The following ROBO1 variants were observed in gnomAD, a reference collection of about 807,000 sequenced individuals.
The protein encoded by ROBO1 is roundabout guidance receptor 1, also known as roundabout homolog 1.
Under a neutral mutation model 195.9 loss-of-function variants are expected in ROBO1, and 149 were observed. The observed-to-expected ratio is 0.76, with a 90% confidence interval of 0.67 to 0.87. The LOEUF (loss-of-function observed/expected upper bound fraction) is 0.87, where lower values mean the gene tolerates loss of function less well. ROBO1 is among the 40% of genes least tolerant of loss of function. The pLI, the probability that ROBO1 is intolerant of heterozygous loss-of-function variation, is 0.00. For missense variants in ROBO1, 1,933 were observed against 2,068.3 expected (o/e 0.93, Z 1.27); for synonymous variants, 816 against 733.2 (o/e 1.11, Z -1.82).
chr3:79,427,884 A>G lies in ROBO1; in HGVS notation c.88+161940T>C, dbSNP rs185316127. ...ACTCCCCAGGACATTGGACTGGGCA[A>G]AGATTTCTTGAGTAATACCCCATGA... On this transcript the variant is annotated intron_variant, in intron 2 of 30. Coordinates refer to ENST00000464233, the MANE Select transcript of ROBO1 (RefSeq NM_002941.4). Among the ~76,000 whole-genome samples the G allele has an allele frequency of 2.2e-3, 338 of 152,284 alleles. 3 individuals are homozygous for G. Among genetic ancestry groups the G allele is most frequent in the African/African-American group, 7.9e-3 (328 of 41,582 alleles).
intron 2 of ROBO1, among the ~76,000 whole-genome samples, chr3:79,156,217 A>C (rs956904354): frequency 3.3e-5 from 5 of 151,294 alleles, no homozygotes; most frequent in Non-Finnish European, 7.4e-5. Flanking sequence ...TGTCCTTTTC[A>C]TAGTCAATCC....
chr3:79,161,086 A>C (rs2080953656), intron 2 of ROBO1, among the ~76,000 whole-genome samples: 1 of 152,086 alleles, frequency 6.6e-6, no homozygotes, highest in Non-Finnish European at 1.5e-5. Context: ...AAATGGCATG[A>C]AACTATAATA....
At chr3:78,726,777 A>T (rs2082171839) in intron 5 of ROBO1, among the ~76,000 whole-genome samples, 1 of 152,130 alleles carries the variant, frequency 6.6e-6, no homozygotes, top group South Asian at 2.1e-4. Context: ...CCTTGGTGAA[A>T]TCAGCTGCAG....
intron 4 of ROBO1, among the ~76,000 whole-genome samples, chr3:78,917,497 G>T (rs966326487): frequency 2.0e-5 from 3 of 152,004 alleles, no homozygotes; most frequent in Admixed American, 2.0e-4. Flanking sequence ...TTGACTGTGA[G>T]GCCATCTTAA....
chr3:79,738,595 G>A (rs1040428860), intron 1 of ROBO1, among the ~76,000 whole-genome samples: 1 of 152,158 alleles, frequency 6.6e-6, no homozygotes, highest in Non-Finnish European at 1.5e-5. Flanking sequence ...ACAACGAAGA[G>A]TTCAGAGTCA....
At chr3:79,231,317 C>G (rs964113108) in intron 2 of ROBO1, among the ~76,000 whole-genome samples, 1 of 151,856 alleles carries the variant, frequency 6.6e-6, no homozygotes, top group Non-Finnish European at 1.5e-5. Flanking sequence ...AAACTATGTA[C>G]CTGACAAAAG....
At chr3:78,936,557 A>G (rs1252686570) in intron 4 of ROBO1, among the ~76,000 whole-genome samples, 3 of 152,124 alleles carry the variant, frequency 2.0e-5, no homozygotes, top group Admixed American at 2.0e-4. Flanking sequence ...ATCTATACTG[A>G]ATATGTATGG....
At chr3:79,397,257 C>CAT (rs932571822) in intron 2 of ROBO1, among the ~76,000 whole-genome samples, 41 of 150,150 alleles carry the variant, frequency 2.7e-4, no homozygotes, top group Non-Finnish European at 5.0e-4. Context: ...ATTTAATAAT[C>CAT]ATATATATAT....
At chr3:79,109,933 T>C (rs2079855079) in intron 3 of ROBO1, among the ~76,000 whole-genome samples, 1 of 152,128 alleles carries the variant, frequency 6.6e-6, no homozygotes, top group Non-Finnish European at 1.5e-5. Flanking sequence ...ACTGTGGTAA[T>C]TTGAAAGCTT....
intron 3 of ROBO1, among the ~76,000 whole-genome samples, chr3:79,030,833 T>C (rs2078282281): frequency 6.6e-6 from 1 of 152,140 alleles, no homozygotes; most frequent in Non-Finnish European, 1.5e-5. Flanking sequence ...GCAATTCTCC[T>C]GCCTCAGCCT....
chr3:78,859,906 C>T (rs1268431345), intron 4 of ROBO1, among the ~76,000 whole-genome samples: 1 of 152,008 alleles, frequency 6.6e-6, no homozygotes, highest in Admixed American at 6.6e-5. Flanking sequence ...CGGTGAAACC[C>T]GTCTCTACTA....
intron 2 of ROBO1, among the ~76,000 whole-genome samples, chr3:79,407,397 A>G (rs1486363792): frequency 2.0e-5 from 3 of 152,216 alleles, no homozygotes; most frequent in African/African-American, 7.2e-5. Flanking sequence ...GTATAATACA[A>G]TTCTGCCTCT....
intron 3 of ROBO1, among the ~76,000 whole-genome samples, chr3:79,112,716 A>G (rs998794556): frequency 3.4e-5 from 5 of 145,640 alleles, no homozygotes; most frequent in Non-Finnish European, 7.5e-5. Flanking sequence ...ATGAGAACAC[A>G]TGGACATAGG....
At chr3:78,606,071 A>G (rs548480785) in intron 29 of ROBO1, among the ~76,000 whole-genome samples, 1 of 152,320 alleles carries the variant, frequency 6.6e-6, no homozygotes, top group East Asian at 1.9e-4. Flanking sequence ...TATTTTTCTA[A>G]AACACATATC....
intron 1 of ROBO1, among the ~76,000 whole-genome samples, chr3:79,601,398 G>A (rs184011723): frequency 7.9e-5 from 12 of 152,102 alleles, no homozygotes; most frequent in African/African-American, 2.4e-4. Flanking sequence ...AGAATGAACT[G>A]AGCAAATGAA....
At chr3:78,648,822 A>T (rs1559694204) in intron 19 of ROBO1, among the ~76,000 whole-genome samples, 1 of 152,126 alleles carries the variant, frequency 6.6e-6, no homozygotes, top group African/African-American at 2.4e-5. Flanking sequence ...TTTCTATTTC[A>T]CATTTGAACA....
At chr3:79,666,494 C>T (rs141617247) in intron 1 of ROBO1, among the ~76,000 whole-genome samples, 1 of 151,934 alleles carries the variant, frequency 6.6e-6, no homozygotes, top group African/African-American at 2.4e-5. Context: ...ATAATTCCCA[C>T]GTGTTGTAGG....
At chr3:78,759,370 A>T (rs1459098916) in intron 4 of ROBO1, 1 of 142,780 alleles carries the variant, frequency 7.0e-6, no homozygotes, top group African/African-American at 2.6e-5. Flanking sequence ...ATCCAAAAAA[A>T]ATGAACAAAT....
chr3:79,737,242 A>G (rs959612493), intron 1 of ROBO1, among the ~76,000 whole-genome samples: 3 of 152,194 alleles, frequency 2.0e-5, no homozygotes, highest in African/African-American at 7.2e-5. Flanking sequence ...CTTCCTATAG[A>G]AAGAATGATT....
Sources: allele counts gnomAD v4.1 joint callset (sites outside exome capture counted in the v4.1 genomes callset), GRCh38; gene constraint gnomAD v4.1.1; transcripts MANE v1.5; gene names NCBI Gene and HGNC (gene_info 2026-07-23, HGNC 2026-07-21).